Variants in KDM4A observed in about 807,000 individuals in gnomAD.
KDM4A encodes lysine demethylase 4A, also known as lysine-specific demethylase 4A.
KDM4A carries 23 observed loss-of-function variants against 127.1 expected under a neutral mutation model. That is an observed-to-expected ratio of 0.18 (90% CI 0.13 to 0.26). The LOEUF (loss-of-function observed/expected upper bound fraction) is 0.26. Among genes scored for constraint, KDM4A ranks in the 10% least tolerant of loss-of-function variants. The probability of loss-of-function intolerance (pLI) is 1.00; values close to 1 mark genes in which losing one functional copy is unlikely to be tolerated. For missense variants in KDM4A, 890 were observed against 1,329.1 expected (o/e 0.67, Z 5.14); for synonymous variants, 443 against 466.5 (o/e 0.95, Z 0.65).
In KDM4A at chr1:43,667,157, T is replaced by C. The variant is rs138886725; in HGVS notation, c.915+66T>C. The C allele has an allele frequency of 3.5e-4, 542 of 1,567,096 alleles. 3 individuals carry two copies. In the African/African-American group the frequency reaches 6.1e-3, roughly 18 times the overall value. On this transcript the variant is annotated intron_variant, in intron 8 of 21. Transcript: ENST00000372396. ...ATGAGCAAATTCTGGTTAGATACGT[T>C]GGCTGGTGATTAGAGTATTTCTTTG... is the stretch of plus-strand genomic sequence containing the variant.
In KDM4A at chr1:43,692,277, C is replaced by T; in HGVS notation, c.2341C>T (p.Arg781Ter). 2 of 1,614,132 alleles carry T rather than the reference C, an allele frequency of 1.2e-6. No individual in the cohort carries two copies. Among genetic ancestry groups the T allele is most frequent in the Non-Finnish European group, 1.7e-6 (2 of 1,180,014 alleles). Residue 781 changes from arginine (R) to a stop codon, truncating the protein, a stop_gained, in exon 16 of 22, where the codon CGA becomes TGA. Transcript: ENST00000372396. LOFTEE classifies it high-confidence loss of function. ...LEEDCCLCSLRGGALQRANDD... is the reference protein window; with the variant it reads ...LEEDCCLCSL ...GCAGGACTGCTGTTTATGCTCATTA[C>T]GAGGAGGGGCCCTGCAGAGAGCAAA... is the stretch of plus-strand genomic sequence containing the variant.
intron 5 of KDM4A, among the ~76,000 whole-genome samples, chr1:43,664,868 T>G (rs1660465299): frequency 6.6e-6 from 1 of 152,232 alleles, no homozygotes. Context: ...CAGAGCCTTC[T>G]GTATAGGGTT....
chr1:43,704,382 G>A lies in KDM4A; in HGVS notation c.*12G>A. On this transcript the variant is annotated 3_prime_UTR_variant, in exon 22 of 22. Coordinates refer to ENST00000372396, the MANE Select transcript of KDM4A (RefSeq NM_014663.3). ...CCATCATGGAGTAGGTGCTTCCAGG[G>A]TCCAAGGGATTCTCAGCCATCCAGG... 2.5e-6 allele frequency: 4 copies of A among 1,609,624 alleles called. No homozygotes were observed. Among genetic ancestry groups the A allele is most frequent in the Non-Finnish European group, 3.4e-6 (4 of 1,178,272 alleles).
intron 2 of KDM4A, among the ~76,000 whole-genome samples, chr1:43,654,444 C>T (rs1660187962): frequency 6.6e-6 from 1 of 151,786 alleles, no homozygotes; most frequent in South Asian, 2.1e-4. Flanking sequence ...TGTGTTGGTT[C>T]GTTCATTCTT....
At chr1:43,681,089 C>A (rs1191067032) in intron 11 of KDM4A, among the ~76,000 whole-genome samples, 1 of 152,124 alleles carries the variant, frequency 6.6e-6, no homozygotes, top group Non-Finnish European at 1.5e-5. Flanking sequence ...CAAAAATACT[C>A]CACGACGTAT....
chr1:43,651,611 C>CCT (rs1660115013), intron 1 of KDM4A, among the ~76,000 whole-genome samples: 1 of 152,182 alleles, frequency 6.6e-6, no homozygotes, highest in Non-Finnish European at 1.5e-5. Flanking sequence ...AGTCTTGGAG[C>CCT]TGAACCGCCA....
chr1:43,654,234 AT>A (rs1660183130), intron 2 of KDM4A, among the ~76,000 whole-genome samples: 2 of 152,364 alleles, frequency 1.3e-5, no homozygotes, highest in South Asian at 4.1e-4. Flanking sequence ...TACCAAAAAA[AT>A]GTCGGTTATT....
Position 43,655,517 on chromosome 1 carries a change from A to G in KDM4A, c.139-74A>G, listed in dbSNP as rs968812858. On this transcript the variant is annotated intron_variant, in intron 2 of 21. Coordinates refer to ENST00000372396, the MANE Select transcript of KDM4A (RefSeq NM_014663.3). ...AAATTGACTGTTAGGTTGGCTGGTAACTACATGCTTCCTGGACTCTGACTG... is the reference window on the plus strand; with the variant it reads ...AAATTGACTGTTAGGTTGGCTGGTAGCTACATGCTTCCTGGACTCTGACTG... 73 of 1,338,492 alleles carry G rather than the reference A, an allele frequency of 5.5e-5. 1 individual carries two copies. In the East Asian group the frequency reaches 1.7e-3, roughly 31 times the overall value. The allele number at this position is 1,338,492 out of a possible 1,614,324, so 82.9% of individuals were successfully genotyped here.
intron 18 of KDM4A, among the ~76,000 whole-genome samples, chr1:43,696,367 A>C (rs1349662539): frequency 1.3e-5 from 2 of 152,218 alleles, no homozygotes; most frequent in Non-Finnish European, 2.9e-5. Context: ...GTTTGACAAC[A>C]GTGTGGTAAA....
chr1:43,676,465 C>T (rs954734414), intron 11 of KDM4A, among the ~76,000 whole-genome samples: 10 of 152,056 alleles, frequency 6.6e-5, no homozygotes, highest in South Asian at 2.1e-4. Flanking sequence ...GGATTACAGG[C>T]GCCTGCCACC....
chr1:43,701,516 C>T (rs1311487138), intron 19 of KDM4A, among the ~76,000 whole-genome samples: 3 of 152,088 alleles, frequency 2.0e-5, no homozygotes, highest in African/African-American at 7.2e-5. Context: ...AAGACAGGGT[C>T]CTGCTCTGTT....
intron 16 of KDM4A, 118 bp downstream of exon 16, chr1:43,692,429 T>C: frequency 1.2e-6 from 1 of 866,500 alleles, no homozygotes; most frequent in Non-Finnish European, 1.8e-6. Context: ...AAGCACATCG[T>C]GTGGAGCAGG....
At chr1:43,664,949 A>T (rs1035887017) in intron 5 of KDM4A, among the ~76,000 whole-genome samples, 1 of 152,200 alleles carries the variant, frequency 6.6e-6, no homozygotes, top group Non-Finnish European at 1.5e-5. Flanking sequence ...TTTTATAATG[A>T]AGCTGTTTGC....
At chr1:43,677,585 T>TCC (rs1009125230) in intron 11 of KDM4A, among the ~76,000 whole-genome samples, 9 of 152,120 alleles carry the variant, frequency 5.9e-5, no homozygotes, top group Non-Finnish European at 1.2e-4. Context: ...CCAGCGCCTC[T>TCC]CCCCCTTTTT....
At chr1:43,652,012 A>G (rs1660124516) in intron 1 of KDM4A, among the ~76,000 whole-genome samples, 1 of 152,230 alleles carries the variant, frequency 6.6e-6, no homozygotes. Flanking sequence ...TATGTTACTA[A>G]TATCAAAGGG....
Position 43,662,926 on chromosome 1 carries a change from A to G in KDM4A, c.462A>G (p.Arg154=). The change falls in exon 5 of 22, where the codon AGA becomes AGG. Residue 154 remains arginine, a synonymous_variant. Transcript: ENST00000372396. ...HVDEWNIGRL[R]TILDLVEKES... ...ATGAGTGGAATATTGGCCGGCTGAG[A>G]ACAATCCTGGACTTGGTGGAAAAGG... 1 of 1,613,692 alleles carries G rather than the reference A, an allele frequency of 6.2e-7. No homozygotes were observed. Among genetic ancestry groups the G allele is most frequent in the Non-Finnish European group, 8.5e-7 (1 of 1,179,774 alleles).
chr1:43,653,675 C>A (rs778520994), intron 2 of KDM4A: 11 of 160,820 alleles, frequency 6.8e-5, no homozygotes, highest in Non-Finnish European at 1.5e-4. Flanking sequence ...TCATCCAGCA[C>A]TCTAGTAGCA....
chr1:43,650,908 G>A (rs1177437391), intron 1 of KDM4A, among the ~76,000 whole-genome samples: 1 of 152,216 alleles, frequency 6.6e-6, no homozygotes, highest in Admixed American at 6.5e-5. Context: ...CTGATTGGGA[G>A]GGAAGGTGTC....
At chr1:43,661,987 G>C (rs189933996) in intron 4 of KDM4A, among the ~76,000 whole-genome samples, 1 of 152,080 alleles carries the variant, frequency 6.6e-6, no homozygotes, top group Non-Finnish European at 1.5e-5. Context: ...CTCAAACACC[G>C]GGGTCAAGGG....
Sources: allele counts gnomAD v4.1 joint callset (sites outside exome capture counted in the v4.1 genomes callset), GRCh38; gene constraint gnomAD v4.1.1; transcripts MANE v1.5; gene names NCBI Gene and HGNC (gene_info 2026-07-23, HGNC 2026-07-21).